The following KNDC1 variants were observed in gnomAD, a reference collection of about 807,000 sequenced individuals.
The protein encoded by KNDC1 is kinase non-catalytic C-lobe domain-containing protein 1.
A neutral mutation model predicts 172.8 loss-of-function variants in KNDC1; 106 were observed. That is an observed-to-expected ratio of 0.61 (90% confidence interval 0.52 to 0.72). The LOEUF is 0.72. KNDC1 is among the 30% of genes least tolerant of loss of function. The pLI, the probability that KNDC1 is intolerant of heterozygous loss-of-function variation, is 0.00. For missense variants in KNDC1, 2,325 were observed against 2,394.5 expected (o/e 0.97, Z 0.61); for synonymous variants, 1,083 against 1,062.2 (o/e 1.02, Z -0.38).
chr10:133,195,094 A>G (rs1345870442), intron 9 of KNDC1, among the ~76,000 whole-genome samples: 4 of 152,246 alleles, frequency 2.6e-5, no homozygotes, highest in Non-Finnish European at 2.9e-5. Flanking sequence ...ATTGATTTTT[A>G]TCAATGAAAG....
In KNDC1 at chr10:133,186,238, T is replaced by C; in HGVS notation, c.890T>C (p.Leu297Pro). ...RTLGELDRDALRRSRLRKVQT... is the reference protein window; with the variant it reads ...RTLGELDRDAPRRSRLRKVQT... ...CTCGGGGAGCTGGACAGAGACGCCC[T>C]CAGGAGAAGCCGCCTGCGGAAGGTG... Residue 297 changes from leucine to proline, a missense_variant, in exon 6 of 30, where the codon CTC (leucine) becomes CCC (proline). By Grantham distance (98) the Leu-to-Pro change is moderately conservative. Coordinates refer to ENST00000304613, the MANE Select transcript of KNDC1 (RefSeq NM_152643.8). 1 of 1,594,152 alleles carries C rather than the reference T, an allele frequency of 6.3e-7. No homozygotes were observed.
At chr10:133,170,400 G>T (rs1376361289) in intron 3 of KNDC1, among the ~76,000 whole-genome samples, 1 of 152,120 alleles carries the variant, frequency 6.6e-6, no homozygotes, top group Admixed American at 6.5e-5. Flanking sequence ...CTGGGGTCTG[G>T]CTCCTGCAGG....
chr10:133,160,261 C>G lies in KNDC1; in HGVS notation c.-207C>G, dbSNP rs1852912899. Among the ~76,000 whole-genome samples, 1 of 146,058 alleles carries G rather than the reference C, an allele frequency of 6.8e-6. No individual in the cohort carries two copies. Among genetic ancestry groups the G allele is most frequent in the Non-Finnish European group, 1.5e-5 (1 of 65,700 alleles). ...CCTAGGCGCCGGGTCCGGACAGCGC[C>G]GCGCAGCCCCCGCGCACCCCGCGCC... On this transcript the variant is annotated 5_prime_UTR_variant, in exon 1 of 30. Transcript: ENST00000304613.
In KNDC1 at chr10:133,214,053, G is replaced by A. The variant is rs373915737; in HGVS notation, c.4608G>A (p.Gln1536=). 9.9e-6 allele frequency: 16 copies of A among 1,614,222 alleles called. No homozygotes were observed. Among genetic ancestry groups the A allele is most frequent in the Non-Finnish European group, 1.4e-5 (16 of 1,180,024 alleles). Residue 1536 remains glutamine (Q), a synonymous_variant, in exon 26 of 30, where the codon CAG becomes CAA. Transcript: ENST00000304613. The part of the protein sequence containing the change: ...PNYVQDKYLL[Q]LLRNADDVST... ...ACGTTCAGGACAAGTATCTGTTACA[G>A]CTTCTAAGAAACGCAGATGACGTCA...
At chr10:133,161,639 C>T (rs1852973098) in intron 1 of KNDC1, among the ~76,000 whole-genome samples, 1 of 152,148 alleles carries the variant, frequency 6.6e-6, no homozygotes, top group Non-Finnish European at 1.5e-5. Context: ...GGCGATGCCC[C>T]CGCCCCCACC....
chr10:133,207,090 T>C, intron 19 of KNDC1, 47 bp from the exon 20 acceptor site: 1 of 1,549,362 alleles, frequency 6.5e-7, no homozygotes, highest in Non-Finnish European at 8.8e-7. Flanking sequence ...CAGGAAGCCC[T>C]GGGGCGAGGG....
At chr10:133,187,128 C>T (rs67979123) in intron 6 of KNDC1, among the ~76,000 whole-genome samples, 59,103 of 152,208 alleles carry the variant, frequency 0.39, 13,293 homozygotes, top group South Asian at 0.65. Flanking sequence ...GTTGAGCTTG[C>T]TCATCTGTGG....
intron 1 of KNDC1, among the ~76,000 whole-genome samples, chr10:133,160,934 G>A (rs367846468): frequency 7.2e-5 from 11 of 151,932 alleles, no homozygotes; most frequent in Non-Finnish European, 8.8e-5. Flanking sequence ...CCAATCAGGC[G>A]CCGCTCAGGA....
chr10:133,210,716 GCT>G lies in KNDC1; in HGVS notation c.3901_3902del (p.Leu1301AspfsTer101). On this transcript the variant is annotated frameshift_variant, in exon 21 of 30. Coordinates refer to ENST00000304613, the MANE Select transcript of KNDC1 (RefSeq NM_152643.8). LOFTEE classifies it high-confidence loss of function. ...HFLLDRINST[L>X]TRAHQDPTST... Reference sequence around the variant, plus strand: ...TCCTCCTCGACCGCATCAACAGCACGCTGACCAGGTACCAAGCTCCACAGCTC... The same window carrying G: ...TCCTCCTCGACCGCATCAACAGCACGGACCAGGTACCAAGCTCCACAGCTC... 6.2e-7 allele frequency: 1 copy of G among 1,612,434 alleles called. No individual in the cohort carries two copies. The highest frequency in any genetic ancestry group is 8.5e-7 in the Non-Finnish European group (1 of 1,178,464).
rs768104424 is a variant in KNDC1, at chr10:133,200,378, G to T, written c.2907G>T (p.Thr969=). ...TGACCTGCATTCTCGTCGTCAGCAC[G>T]GCCGAGGAGGCTGGGTCACAGCTCG... ...VNGQASPSPS[T]AEEAGSQLEG... The change falls in exon 16 of 30, where the codon ACG becomes ACT. Residue 969 remains threonine (T), a synonymous_variant. Coordinates refer to ENST00000304613, the MANE Select transcript of KNDC1 (RefSeq NM_152643.8). 3.1e-6 allele frequency: 5 copies of T among 1,588,546 alleles called. No homozygotes were observed. The highest frequency in any genetic ancestry group is 1.7e-4 in the Middle Eastern group (1 of 5,976).
Position 133,218,832 on chromosome 10 carries a change from T to C in KNDC1, c.4679T>C (p.Leu1560Pro). ...GAATGTGTCATTTTCTTATTGCAGC[T>C]GCAGGTGAACTTGCTGTCCAAATTT... ...AEIVTSHTSK[L>P]QVNLLSKFLL... Residue 1560 changes from leucine (L) to proline (P), a missense_variant and splice_region_variant, in exon 27 of 30, where the codon CTG (leucine) becomes CCG (proline). Coordinates refer to ENST00000304613, the MANE Select transcript of KNDC1 (RefSeq NM_152643.8). 6.2e-7 allele frequency: 1 copy of C among 1,610,716 alleles called. No homozygotes were observed. The highest frequency in any genetic ancestry group is 2.2e-5 in the East Asian group (1 of 44,766).
At chr10:133,183,008 GGCATGGGTGGCATGGGTGCGAGCA>G (rs1469641800) in intron 3 of KNDC1, among the ~76,000 whole-genome samples, 4 of 151,496 alleles carry the variant, frequency 2.6e-5, no homozygotes, top group Non-Finnish European at 5.9e-5. Context: ...AGGCGGCAAG[GGCATGGGTGGCATGGGTGCGAGCA>G]GCATGGGCGG....
At chr10:133,184,903 G>T (rs569157668) in intron 5 of KNDC1, among the ~76,000 whole-genome samples, 1 of 152,282 alleles carries the variant, frequency 6.6e-6, no homozygotes, top group South Asian at 2.1e-4. Context: ...CACCAGGAGC[G>T]CCAGGTGGGT....
rs1432511219 is a variant in KNDC1, at chr10:133,208,400, CCCCCAA to C, written c.3794+1054_3794+1059del. Among the ~76,000 whole-genome samples, 2 of 17,608 alleles carry C rather than the reference CCCCCAA, an allele frequency of 1.1e-4. 1 individual carries two copies. The allele number at this position is 17,608 out of a possible 152,430, so 11.6% of individuals were successfully genotyped here. On this transcript the variant is annotated intron_variant, in intron 20 of 29. Coordinates refer to ENST00000304613, the MANE Select transcript of KNDC1 (RefSeq NM_152643.8). Reference sequence around the variant, plus strand: ...AGGACCCTCTAGAGAGGGACGTGGCCCCCCAACCCCGTTACCCCAAGGACCCTCTAG... The same window carrying C: ...AGGACCCTCTAGAGAGGGACGTGGCCCCCCGTTACCCCAAGGACCCTCTAG...
Position 133,206,757 on chromosome 10 carries a change from C to G in KNDC1, c.3460C>G (p.Gln1154Glu), listed in dbSNP as rs765162673. The G allele has an allele frequency of 5.0e-6, 8 of 1,613,970 alleles. No homozygotes were observed. The highest frequency in any genetic ancestry group is 6.8e-6 in the Non-Finnish European group (8 of 1,180,024). ...CCTGAAGTTCTACCAGAAACTCTTA[C>G]AGAAGGAAAAGAGGAACAAAGGTAA... The part of the protein sequence containing the change: ...KTLKFYQKLL[Q>E]KEKRNKGSDV... The change falls in exon 18 of 30, where the codon CAG becomes GAG. Residue 1154 changes from glutamine (Q) to glutamate (E), a missense_variant. Physicochemically the swap from Gln to Glu is conservative, Grantham distance 29. Transcript: ENST00000304613.
chr10:133,211,153 G>A (rs1396790585), intron 21 of KNDC1, among the ~76,000 whole-genome samples: 2 of 152,008 alleles, frequency 1.3e-5, no homozygotes, highest in African/African-American at 4.8e-5. Flanking sequence ...GAGGGGGGAG[G>A]GGCTCTGCCT....
chr10:133,167,521 G>A lies in KNDC1; in HGVS notation c.243G>A (p.Thr81=), dbSNP rs771451535. 9.3e-6 allele frequency: 15 copies of A among 1,604,508 alleles called. No homozygotes were observed. The highest frequency in any genetic ancestry group is 2.7e-5 in the African/African-American group (2 of 74,770). The change falls in exon 2 of 30, where the codon ACG becomes ACA. Residue 81 remains threonine (T), a synonymous_variant. Coordinates refer to ENST00000304613, the MANE Select transcript of KNDC1 (RefSeq NM_152643.8). ...CCATCTTCCAGAGCCTGTGCATCAC[G>A]CCCGACACCCTGGCCTTCAACACCA... is the stretch of plus-strand genomic sequence containing the variant. The part of the protein sequence containing the change: ...HAAIFQSLCI[T]PDTLAFNTSG...
At chr10:133,187,941 C>T (rs1217511615) in intron 6 of KNDC1, among the ~76,000 whole-genome samples, 2 of 132,278 alleles carry the variant, frequency 1.5e-5, no homozygotes, top group Non-Finnish European at 3.0e-5. Flanking sequence ...GGCCCCTGCA[C>T]CCCGTCCCAC....
chr10:133,211,291 G>A, intron 21 of KNDC1, 131 bp from the exon 22 acceptor site: 1 of 510,608 alleles, frequency 2.0e-6, no homozygotes. Context: ...AAGACCCCCA[G>A]CCCCCTAAGC....
Sources: allele counts gnomAD v4.1 joint callset (sites outside exome capture counted in the v4.1 genomes callset), GRCh38; gene constraint gnomAD v4.1.1; transcripts MANE v1.5; gene names NCBI Gene and HGNC (gene_info 2026-07-23, HGNC 2026-07-21).